Variants in SLC22A4 observed in about 807,000 individuals in gnomAD.
SLC22A4 encodes the protein solute carrier family 22 member 4, also known as ET transporter.
SLC22A4 carries 39 observed loss-of-function variants against 56.6 expected under a neutral mutation model. That is an observed-to-expected ratio of 0.69 (90% CI 0.53 to 0.90). The LOEUF is 0.90. Ranked by LOEUF, SLC22A4 falls within the 40% of genes least tolerant of loss-of-function variation. SLC22A4 has a pLI of 0.00. For missense variants in SLC22A4, 594 were observed against 696.5 expected, an observed-to-expected ratio of 0.85 and a Z score of 1.66; for synonymous variants, 241 against 281.4, an observed-to-expected ratio of 0.86 and a Z score of 1.44.
chr5:132,330,373 C>A (rs1750820256), intron 5 of SLC22A4, among the ~76,000 whole-genome samples: 1 of 152,214 alleles, frequency 6.6e-6, no homozygotes, highest in Admixed American at 6.5e-5. Context: ...AGTTTCAATT[C>A]TAATCAGCTT....
chr5:132,309,445 T>A (rs1309295667), intron 1 of SLC22A4, among the ~76,000 whole-genome samples: 1 of 152,232 alleles, frequency 6.6e-6, no homozygotes, highest in East Asian at 1.9e-4. Flanking sequence ...CTGTGCTGCA[T>A]GATGCTGACA....
chr5:132,341,305 C>A (rs1392267806), intron 9 of SLC22A4, among the ~76,000 whole-genome samples: 1 of 151,900 alleles, frequency 6.6e-6, no homozygotes, highest in African/African-American at 2.4e-5. Context: ...GTAGTCCCAG[C>A]TACTCAGGAG....
chr5:132,312,107 G>A (rs1267421251), intron 1 of SLC22A4, 54 bp from the exon 2 acceptor site: 11 of 1,044,594 alleles, frequency 1.1e-5, no homozygotes, highest in Non-Finnish European at 1.7e-5. Flanking sequence ...GCTGGGCTGG[G>A]GTTGAGGTCT....
chr5:132,312,593 C>G (rs888064208), intron 2 of SLC22A4, among the ~76,000 whole-genome samples: 23 of 152,206 alleles, frequency 1.5e-4, no homozygotes, highest in Admixed American at 6.5e-4. Flanking sequence ...ACTGCCCTCC[C>G]TGCTCCACCA....
intron 8 of SLC22A4, among the ~76,000 whole-genome samples, chr5:132,339,167 T>A (rs536744366): frequency 1.3e-5 from 2 of 152,326 alleles, no homozygotes; most frequent in African/African-American, 4.8e-5. Context: ...TGTATTCATC[T>A]TTTTCTTTTT....
At chr5:132,326,033 G>A (rs916126389) in intron 4 of SLC22A4, among the ~76,000 whole-genome samples, 2 of 152,194 alleles carry the variant, frequency 1.3e-5, no homozygotes, top group East Asian at 1.9e-4. Context: ...TTATAAATAT[G>A]AGTGCAAAAC....
intron 1 of SLC22A4, among the ~76,000 whole-genome samples, chr5:132,308,024 C>CAA (rs917185595): frequency 6.6e-6 from 1 of 152,230 alleles, no homozygotes; most frequent in Non-Finnish European, 1.5e-5. Flanking sequence ...ATTCATTCAA[C>CAA]AATTTGTTAA....
intron 1 of SLC22A4, among the ~76,000 whole-genome samples, chr5:132,298,976 G>T (rs1318934640): frequency 1.3e-5 from 2 of 152,252 alleles, no homozygotes; most frequent in African/African-American, 2.4e-5. Context: ...AACCCATACT[G>T]ACTTGGCCAG....
At chr5:132,319,160 G>A (rs1750452368) in intron 3 of SLC22A4, among the ~76,000 whole-genome samples, 1 of 151,962 alleles carries the variant, frequency 6.6e-6, no homozygotes, top group African/African-American at 2.4e-5. Flanking sequence ...AAATTAGCCG[G>A]GCATGGTGGC....
intron 8 of SLC22A4, 68 bp downstream of exon 8, chr5:132,336,068 T>C: frequency 6.7e-7 from 1 of 1,487,488 alleles, no homozygotes; most frequent in Non-Finnish European, 9.4e-7. Flanking sequence ...AGATTTTCAT[T>C]GTGAAAATGT....
chr5:132,296,393 C>T (rs760110730), intron 1 of SLC22A4, among the ~76,000 whole-genome samples: 62 of 152,220 alleles, frequency 4.1e-4, no homozygotes, highest in Non-Finnish European at 5.0e-4. Flanking sequence ...AAATAGTAAG[C>T]ATTCTAAGGC....
chr5:132,299,098 G>A (rs975497080), intron 1 of SLC22A4, among the ~76,000 whole-genome samples: 2 of 152,308 alleles, frequency 1.3e-5, no homozygotes, highest in Admixed American at 1.3e-4. Flanking sequence ...TTATACTGCC[G>A]TGCCAGGATC....
At chr5:132,309,852 T>C (rs1041569838) in intron 1 of SLC22A4, among the ~76,000 whole-genome samples, 43 of 152,258 alleles carry the variant, frequency 2.8e-4, no homozygotes, top group Admixed American at 2.8e-3. Context: ...CCTTTCTATC[T>C]CTAAATCCTA....
intron 4 of SLC22A4, among the ~76,000 whole-genome samples, chr5:132,322,582 C>G (rs1366418919): frequency 6.6e-6 from 1 of 152,168 alleles, no homozygotes; most frequent in East Asian, 1.9e-4. Context: ...CAATCTCTTC[C>G]TTGATACCAG....
chr5:132,344,043 C>T lies in SLC22A4; in HGVS notation c.*208C>T, dbSNP rs986402428. 1 of 531,198 alleles carries T rather than the reference C, an allele frequency of 1.9e-6. No homozygotes were observed. Among genetic ancestry groups the T allele is most frequent in the African/African-American group, 1.9e-5 (1 of 52,388 alleles). 32.9% of individuals were successfully genotyped at this position (531,198 alleles called of 1,614,324 possible). A position where few individuals can be genotyped will look rare whatever the true frequency, so the allele number is the denominator to read the frequency against. On this transcript the variant is annotated 3_prime_UTR_variant, in exon 10 of 10. Coordinates refer to ENST00000200652, the MANE Select transcript of SLC22A4 (RefSeq NM_003059.3). ...AAACCAACCATTTCTAGAGAGTCTC[C>T]TTACTCATTAATTCAATGAAATGGA...
intron 3 of SLC22A4, among the ~76,000 whole-genome samples, chr5:132,314,048 C>A (rs1580828343): frequency 6.6e-6 from 1 of 152,140 alleles, no homozygotes; most frequent in East Asian, 1.9e-4. Flanking sequence ...GAGCACAGGG[C>A]TTAAGAGAGG....
At position 132,334,571 on chromosome 5, in the gene SLC22A4, T is replaced by G. The variant is rs1015314058; in HGVS notation, c.1047-147T>G. The G allele has an allele frequency of 4.0e-6, 3 of 747,490 alleles. No homozygotes were observed. In the Admixed American group the frequency reaches 5.4e-5, roughly 13 times the overall value. 46.3% of individuals were successfully genotyped at this position (747,490 alleles called of 1,614,324 possible). A position where few individuals can be genotyped will look rare whatever the true frequency, so the allele number is the denominator to read the frequency against. On this transcript the variant is annotated intron_variant, in intron 6 of 9. Coordinates refer to ENST00000200652, the MANE Select transcript of SLC22A4 (RefSeq NM_003059.3). ...AACTAAGGAACTGAATTTGTAATCT[T>G]ATTTAATTTTAATTTATTCAAATTT... is the stretch of plus-strand genomic sequence containing the variant.
intron 1 of SLC22A4, among the ~76,000 whole-genome samples, chr5:132,296,850 G>A (rs927622861): frequency 3.9e-5 from 6 of 152,196 alleles, no homozygotes; most frequent in African/African-American, 1.4e-4. Context: ...ACTGTAGGGC[G>A]TGAGGGGTGA....
At chr5:132,307,405 A>T (rs1398891432) in intron 1 of SLC22A4, among the ~76,000 whole-genome samples, 1 of 152,214 alleles carries the variant, frequency 6.6e-6, no homozygotes, top group Non-Finnish European at 1.5e-5. Flanking sequence ...CATTTATCAA[A>T]TCCCTTTTAT....
Sources: gnomAD v4.1 joint callset for allele counts (sites outside exome capture counted in the v4.1 genomes callset) on GRCh38, gnomAD v4.1.1 for gene constraint, MANE v1.5 for transcripts, NCBI Gene and HGNC (gene_info 2026-07-23, HGNC 2026-07-21) for gene names.